UQCC1: variants seen among roughly 807,000 people sequenced by gnomAD.
UQCC1 encodes the protein ubiquinol-cytochrome c reductase complex assembly factor 1.
In UQCC1, 38 loss-of-function variants were observed where a neutral mutation model predicts 48.0. The ratio of observed to expected loss-of-function variants is 0.79; its 90% CI spans 0.61 to 1.04. The LOEUF (loss-of-function observed/expected upper bound fraction) is 1.04. Ranked by LOEUF, UQCC1 falls within the 50% of genes least tolerant of loss-of-function variation. The probability of loss-of-function intolerance (pLI) is 0.00; values close to 1 mark genes in which losing one functional copy is unlikely to be tolerated. For missense variants in UQCC1, 368 were observed against 381.8 expected (o/e 0.96, Z 0.30); for synonymous variants, 111 against 129.2 (o/e 0.86, Z 0.95).
At chr20:35,330,605 G>C (rs1484936749) in intron 7 of UQCC1, among the ~76,000 whole-genome samples, 1 of 152,150 alleles carries the variant, frequency 6.6e-6, no homozygotes, top group Admixed American at 6.5e-5. Context: ...GATACCCCTA[G>C]TACGTTATGA....
At chr20:35,321,301 C>T (rs985066206) in intron 7 of UQCC1, among the ~76,000 whole-genome samples, 5 of 151,680 alleles carry the variant, frequency 3.3e-5, no homozygotes, top group African/African-American at 4.9e-5. Flanking sequence ...CGCGCGCGCA[C>T]GCTCAGGCAC....
intron 7 of UQCC1, among the ~76,000 whole-genome samples, chr20:35,326,698 C>T (rs1041237366): frequency 6.6e-6 from 1 of 152,196 alleles, no homozygotes; most frequent in Admixed American, 6.5e-5. Flanking sequence ...TTTCCAGAGA[C>T]ACTTGGAGGC....
At chr20:35,387,781 AG>A (rs2061962962) in intron 2 of UQCC1, among the ~76,000 whole-genome samples, 2 of 146,132 alleles carry the variant, frequency 1.4e-5, no homozygotes, top group South Asian at 4.4e-4. Context: ...AATTTGGTAA[AG>A]GTAATTTTAG....
chr20:35,303,999 A>T lies in UQCC1; in HGVS notation c.836T>A (p.Val279Glu), dbSNP rs1311871608. The change falls in exon 10 of 10, where the codon GTG (valine) becomes GAG (glutamate). Residue 279 changes from valine (V) to glutamate (E), a missense_variant. By Grantham distance (121) the Val-to-Glu change is moderately radical (BLOSUM62 -2). Transcript: ENST00000374385. ...LTGEVSWRPL[V>E]EKNPQSILKP... is the part of the protein sequence containing the mutation. The stretch of plus-strand genomic sequence containing the variant: ...CAGGATGCTCTGAGGATTCTTCTCC[A>T]CTAGAGGGCGCCAGCTCACCTCCCC... 2.5e-6 allele frequency: 4 copies of T among 1,614,022 alleles called. No homozygotes were observed. Among genetic ancestry groups the T allele is most frequent in the Non-Finnish European group, 2.5e-6 (3 of 1,180,022 alleles).
chr20:35,373,268 T>C (rs377606903), intron 5 of UQCC1, among the ~76,000 whole-genome samples: 15 of 152,376 alleles, frequency 9.8e-5, no homozygotes, highest in African/African-American at 3.6e-4. Context: ...ATATGCCTTT[T>C]GACCCAATAG....
intron 3 of UQCC1, among the ~76,000 whole-genome samples, chr20:35,383,766 G>C (rs1255501353): frequency 6.6e-6 from 1 of 152,100 alleles, no homozygotes; most frequent in Non-Finnish European, 1.5e-5. Context: ...CAGGAGGATA[G>C]CTCGAGCTTG....
At chr20:35,306,550 G>A in intron 9 of UQCC1, 116 bp downstream of exon 9, 1 of 771,494 alleles carries the variant, frequency 1.3e-6, no homozygotes, top group South Asian at 1.6e-5. Flanking sequence ...GATGTGATCT[G>A]GTCAGAATTC....
intron 1 of UQCC1, among the ~76,000 whole-genome samples, chr20:35,396,240 C>G (rs1447665139): frequency 6.7e-6 from 1 of 149,876 alleles, no homozygotes; most frequent in African/African-American, 2.5e-5. Context: ...CTACCTCGGA[C>G]TCCCAAAATG....
intron 6 of UQCC1, among the ~76,000 whole-genome samples, chr20:35,360,025 C>T (rs977414650): frequency 6.6e-6 from 1 of 152,172 alleles, no homozygotes; most frequent in Non-Finnish European, 1.5e-5. Flanking sequence ...CGAGCCTCCT[C>T]CAAGAGCTAC....
At chr20:35,307,322 C>T (rs1247793431) in intron 8 of UQCC1, among the ~76,000 whole-genome samples, 1 of 152,156 alleles carries the variant, frequency 6.6e-6, no homozygotes, top group African/African-American at 2.4e-5. Context: ...CAACTCTGGG[C>T]CCAGCCTCTC....
At chr20:35,308,215 C>G (rs2060949720) in intron 8 of UQCC1, among the ~76,000 whole-genome samples, 1 of 152,276 alleles carries the variant, frequency 6.6e-6, no homozygotes, top group African/African-American at 2.4e-5. Flanking sequence ...TCCAAATGCT[C>G]TCTGATAAAC....
intron 7 of UQCC1, among the ~76,000 whole-genome samples, chr20:35,323,325 G>A (rs1023665371): frequency 5.9e-5 from 9 of 152,092 alleles, no homozygotes; most frequent in South Asian, 2.1e-4. Context: ...GATGAGATTC[G>A]ACAAGGTCAA....
chr20:35,409,437 T>G (rs966051763), intron 1 of UQCC1: 31 of 171,220 alleles, frequency 1.8e-4, no homozygotes, highest in Non-Finnish European at 3.4e-4. Flanking sequence ...GCCATTGCAC[T>G]CCAGCTTGCG....
At chr20:35,337,191 C>CTTTT (rs762321477) in intron 7 of UQCC1, among the ~76,000 whole-genome samples, 1 of 143,242 alleles carries the variant, frequency 7.0e-6, no homozygotes, top group African/African-American at 2.6e-5. Context: ...AGCTAGCATT[C>CTTTT]TTTTTTTTTT....
rs746583892 is a variant in UQCC1, at chr20:35,394,144, G to A, written c.77C>T (p.Pro26Leu). The A allele has an allele frequency of 1.9e-6, 3 of 1,613,922 alleles. No individual in the cohort carries two copies. Among genetic ancestry groups the A allele is most frequent in the East Asian group, 2.2e-5 (1 of 44,886 alleles). ...CCCCTGTCCTTGGGTAGGAGACACA[G>A]GTATCAATCGGCTGCATACTGGAAC... is the stretch of plus-strand genomic sequence containing the variant. ...QWVPVCSRLI[P>L]VSPTQGQGDR... Residue 26 changes from proline to leucine, a missense_variant, in exon 2 of 10, where the codon CCT becomes CTT. Transcript: ENST00000374385.
chr20:35,357,915 T>C (rs2061564639), intron 6 of UQCC1, among the ~76,000 whole-genome samples: 1 of 152,028 alleles, frequency 6.6e-6, no homozygotes, highest in Admixed American at 6.5e-5. Context: ...AAATTTAACA[T>C]TGAGAGGTCA....
intron 7 of UQCC1, among the ~76,000 whole-genome samples, chr20:35,326,409 T>C (rs1207593147): frequency 6.6e-6 from 1 of 152,214 alleles, no homozygotes; most frequent in Non-Finnish European, 1.5e-5. Flanking sequence ...TCTTGTATGA[T>C]TTTAGCAATC....
intron 7 of UQCC1, among the ~76,000 whole-genome samples, chr20:35,330,430 A>G (rs1358173283): frequency 6.6e-6 from 1 of 152,174 alleles, no homozygotes; most frequent in Non-Finnish European, 1.5e-5. Flanking sequence ...AGATGGCATA[A>G]AATAAAAACA....
intron 5 of UQCC1, among the ~76,000 whole-genome samples, chr20:35,373,327 A>G (rs2061755726): frequency 6.6e-6 from 1 of 152,168 alleles, no homozygotes; most frequent in Admixed American, 6.5e-5. Context: ...AATTAAAACA[A>G]TTAAAAATTA....
Sources: allele counts gnomAD v4.1 joint callset (sites outside exome capture counted in the v4.1 genomes callset), GRCh38; gene constraint gnomAD v4.1.1; transcripts MANE v1.5; gene names NCBI Gene and HGNC (gene_info 2026-07-23, HGNC 2026-07-21).